LYPD6B: variants seen among roughly 807,000 people sequenced by gnomAD.
LYPD6B encodes ly6/PLAUR domain-containing protein 6B.
LYPD6B carries 17 observed loss-of-function variants against 22.8 expected under a neutral mutation model. The observed-to-expected ratio is 0.75, with a 90% CI of 0.51 to 1.12. The LOEUF is 1.12. Among genes scored for constraint, LYPD6B ranks in the 50% most tolerant of loss-of-function variants. The pLI, the probability that LYPD6B is intolerant of heterozygous loss-of-function variation, is 0.00. For synonymous variants in LYPD6B, 106 were observed against 91.6 expected (o/e 1.16, Z -0.90); for missense variants, 221 against 258.3 (o/e 0.86, Z 0.99).
intron 1 of LYPD6B, among the ~76,000 whole-genome samples, chr2:149,054,296 GTGTGAAGTAATATTTCTT>G (rs1393390147): frequency 6.6e-6 from 1 of 152,136 alleles, no homozygotes; most frequent in Non-Finnish European, 1.5e-5. Context: ...ATTCTGGTAG[GTGTGAAGTAATATTTCTT>G]TGTGGTTTTA....
intron 1 of LYPD6B, among the ~76,000 whole-genome samples, chr2:149,055,441 G>T (rs1244957193): frequency 6.6e-6 from 1 of 152,190 alleles, no homozygotes; most frequent in Admixed American, 6.5e-5. Flanking sequence ...AATTGTGCTA[G>T]AGGTTGCACT....
intron 3 of LYPD6B, among the ~76,000 whole-genome samples, chr2:149,203,334 T>A (rs1376997118): frequency 6.6e-6 from 1 of 152,196 alleles, no homozygotes; most frequent in Non-Finnish European, 1.5e-5. Context: ...TGAATATTGC[T>A]ACTGGAACAT....
chr2:149,198,390 T>C (rs1193025322), intron 3 of LYPD6B, among the ~76,000 whole-genome samples: 1 of 152,164 alleles, frequency 6.6e-6, no homozygotes, highest in Non-Finnish European at 1.5e-5. Context: ...ACCTTTCTGG[T>C]GTCATGAAAG....
At chr2:149,128,116 T>G (rs1366562562) in intron 1 of LYPD6B, among the ~76,000 whole-genome samples, 1 of 152,158 alleles carries the variant, frequency 6.6e-6, no homozygotes, top group Non-Finnish European at 1.5e-5. Flanking sequence ...CATAACCTAT[T>G]GCTTCTAAAA....
intron 1 of LYPD6B, among the ~76,000 whole-genome samples, chr2:149,097,452 C>A (rs910753820): frequency 1.3e-5 from 2 of 152,178 alleles, no homozygotes; most frequent in African/African-American, 2.4e-5. Flanking sequence ...CAGTAAATAG[C>A]AACTAAAAAA....
intron 3 of LYPD6B, among the ~76,000 whole-genome samples, chr2:149,176,247 T>A (rs1368645573): frequency 1.3e-5 from 2 of 152,198 alleles, no homozygotes; most frequent in Admixed American, 1.3e-4. Context: ...CTGTTCATCC[T>A]TGACTAAAAC....
chr2:149,120,349 A>ATG lies in LYPD6B; in HGVS notation c.-66-10522_-66-10521dup, dbSNP rs1191177878. Among the ~76,000 whole-genome samples the ATG allele has an allele frequency of 3.7e-3, 368 of 99,522 alleles. 13 individuals carry two copies. The highest frequency in any genetic ancestry group is 0.035 in the East Asian group (98 of 2,812). The allele number at this position is 99,522 out of a possible 152,430, so 65.3% of individuals were successfully genotyped here. A position where few individuals can be genotyped will look rare whatever the true frequency, so the allele number is the denominator to read the frequency against. ...TGTATATATATATGTGTATATATAT[A>ATG]TGTGTGTGTGTGTATATATATATAT... On this transcript the variant is annotated intron_variant, in intron 1 of 6. Coordinates refer to ENST00000409642, the MANE Select transcript of LYPD6B (RefSeq NM_177964.5).
At chr2:149,079,057 A>G (rs1352097510) in intron 1 of LYPD6B, among the ~76,000 whole-genome samples, 1 of 149,574 alleles carries the variant, frequency 6.7e-6, no homozygotes, top group African/African-American at 2.5e-5. Context: ...ACTTAGTAAA[A>G]TGCCATTTCT....
chr2:149,133,154 G>A (rs73963699), intron 2 of LYPD6B, among the ~76,000 whole-genome samples: 2,018 of 152,196 alleles, frequency 0.013, 39 homozygotes, highest in African/African-American at 0.046. Flanking sequence ...ATTCTAAACT[G>A]CAAAGTAGTC....
At chr2:149,138,810 A>C (rs1016284009) in intron 2 of LYPD6B, among the ~76,000 whole-genome samples, 1 of 152,226 alleles carries the variant, frequency 6.6e-6, no homozygotes, top group Non-Finnish European at 1.5e-5. Flanking sequence ...GGCCTCCCAA[A>C]GTGCTAGGAT....
intron 1 of LYPD6B, among the ~76,000 whole-genome samples, chr2:149,116,672 CATAAA>C: frequency 6.6e-6 from 1 of 152,270 alleles, no homozygotes; most frequent in Middle Eastern, 3.4e-3. Flanking sequence ...GCAGTTACAA[CATAAA>C]AGGATGGAAG....
In LYPD6B at chr2:149,209,661, A is replaced by G. The variant is rs561865806; in HGVS notation, c.328+1249A>G. ...TACAGCCAATGTGTGGAGCCAATAA[A>G]TACTAATCCAATAAATACATTGGAG... On this transcript the variant is annotated intron_variant, in intron 5 of 6. Transcript: ENST00000409642. Among the ~76,000 whole-genome samples the G allele has an allele frequency of 3.8e-4, 58 of 152,350 alleles. 1 individual carries two copies. The highest frequency in any genetic ancestry group is 1.4e-3 in the African/African-American group (58 of 41,584).
intron 6 of LYPD6B, 84 bp from the exon 7 acceptor site, chr2:149,214,462 G>T: frequency 7.0e-7 from 1 of 1,430,002 alleles, no homozygotes; most frequent in Non-Finnish European, 9.7e-7. Context: ...TAGAGCTCAA[G>T]AAGCCTTTGT....
intron 2 of LYPD6B, chr2:149,160,441 T>A (rs755899199): frequency 2.1e-6 from 1 of 483,480 alleles, no homozygotes; most frequent in South Asian, 1.5e-5. Flanking sequence ...TTCTGCCAGC[T>A]CTTTGGTAAG....
At chr2:149,053,970 C>T (rs72867509) in intron 1 of LYPD6B, among the ~76,000 whole-genome samples, 46,643 of 152,050 alleles carry the variant, frequency 0.31, 7,934 homozygotes, top group Non-Finnish European at 0.38. Flanking sequence ...TTCCGTTGTA[C>T]GAATACACCA....
chr2:149,190,485 A>G (rs1692420158), intron 3 of LYPD6B, among the ~76,000 whole-genome samples: 1 of 152,162 alleles, frequency 6.6e-6, no homozygotes. Flanking sequence ...AATTTTAATA[A>G]TGTTGTCAAA....
At chr2:149,187,010 A>G (rs1319149064) in intron 3 of LYPD6B, among the ~76,000 whole-genome samples, 1 of 152,214 alleles carries the variant, frequency 6.6e-6, no homozygotes, top group Non-Finnish European at 1.5e-5. Context: ...CAGCAAAAAG[A>G]TTATGACTTG....
intron 3 of LYPD6B, among the ~76,000 whole-genome samples, chr2:149,197,784 C>T (rs1692906724): frequency 6.6e-6 from 1 of 152,210 alleles, no homozygotes; most frequent in Non-Finnish European, 1.5e-5. Flanking sequence ...GCTATCCTCT[C>T]ATCCAGTATG....
intron 2 of LYPD6B, chr2:149,160,410 A>G: frequency 2.2e-6 from 1 of 464,920 alleles, no homozygotes; most frequent in South Asian, 1.5e-5. Context: ...ATACCCTGAT[A>G]TATGCCAGTG....
Sources: gnomAD v4.1 joint callset for allele counts (sites outside exome capture counted in the v4.1 genomes callset) on GRCh38, gnomAD v4.1.1 for gene constraint, MANE v1.5 for transcripts, NCBI Gene and HGNC (gene_info 2026-07-23, HGNC 2026-07-21) for gene names.